The following BRME1 variants were observed in gnomAD, a reference collection of about 807,000 sequenced individuals.
The protein encoded by BRME1 is break repair meiotic recombinase recruitment factor 1.
BRME1 carries 31 observed loss-of-function variants against 52.6 expected under a neutral mutation model. That is an observed-to-expected ratio of 0.59 (90% confidence interval 0.44 to 0.80). The LOEUF (loss-of-function observed/expected upper bound fraction) is 0.80, where lower values mean the gene tolerates loss of function less well. Among genes scored for constraint, BRME1 ranks in the 30% least tolerant of loss-of-function variants. The pLI is 0.00. For missense variants in BRME1, 804 were observed against 860.3 expected (o/e 0.93, Z 0.82); for synonymous variants, 359 against 353.6 (o/e 1.02, Z -0.17).
At chr19:13,886,984 T>C (rs1238784309) in intron 6 of BRME1, among the ~76,000 whole-genome samples, 5 of 152,070 alleles carry the variant, frequency 3.3e-5, no homozygotes, top group Non-Finnish European at 2.9e-5. Context: ...TTAAATTAAA[T>C]GACTCCATAT....
Position 13,882,352 on chromosome 19 carries a change from G to A in BRME1, c.*450C>T, listed in dbSNP as rs1968696133. ...GCCTCAGCCCCAAACAGCAGGTCAC[G>A]GGGCCTCTACAGAATCATTTATTAT... On this transcript the variant is annotated 3_prime_UTR_variant, in exon 9 of 9. Transcript: ENST00000586783. The A allele has an allele frequency of 1.0e-5, 4 of 399,580 alleles. No individual in the cohort carries two copies. The highest frequency in any genetic ancestry group is 6.3e-4 in the Middle Eastern group (1 of 1,590). The allele number at this position is 399,580 out of a possible 1,614,324, so 24.8% of individuals were successfully genotyped here.
rs745772565 is a variant in BRME1 at position 13,889,536 on chromosome 19, CG to C, written c.1319del (p.Pro440ArgfsTer22). ...TCTGATTGACACATGGACCTGTGTC[CG>C]GGGATGCATGACCGGAATCTCCAGC... ...MGAGDSGHASPDTGPCVNQKQ... is the reference protein window; with the variant it reads ...MGAGDSGHASXDTGPCVNQKQ... On this transcript the variant is annotated frameshift_variant, in exon 6 of 9. Coordinates refer to ENST00000586783, the MANE Select transcript of BRME1 (RefSeq NM_001345843.2). LOFTEE classifies it high-confidence loss of function. The C allele has an allele frequency of 3.3e-5, 54 of 1,613,652 alleles. No individual in the cohort carries two copies. Among genetic ancestry groups the C allele is most frequent in the Non-Finnish European group, 4.4e-5 (52 of 1,180,022 alleles).
rs1599323505 is a variant in BRME1, at chr19:13,888,572, A to G, written c.1668+616T>C. 6.6e-6 allele frequency among the ~76,000 whole-genome samples: 1 copy of G among 152,226 alleles called. No homozygotes were observed. The highest frequency in any genetic ancestry group is 1.5e-5 in the Non-Finnish European group (1 of 68,022). ...AGGAGAATGAACGCCAACGGCTGGC[A>G]CCGGCTCTGGAGCCAGAGGAGGCCA... On this transcript the variant is annotated intron_variant, in intron 6 of 8. Coordinates refer to ENST00000586783, the MANE Select transcript of BRME1 (RefSeq NM_001345843.2). The surrounding 1 kb of genome is among the most constrained non-coding windows in gnomAD (Gnocchi z 4.1).
intron 6 of BRME1, 78 bp downstream of exon 6, chr19:13,889,110 C>A: frequency 7.4e-7 from 1 of 1,349,264 alleles, no homozygotes; most frequent in Non-Finnish European, 1.0e-6. Context: ...TCTGCCACTG[C>A]ACCGAGTGAG....
At position 13,905,807 on chromosome 19, in the gene BRME1, T is replaced by G. The variant is rs1970678228; in HGVS notation, c.-114A>C. ...GAATAAGTCGCTTGAATTATCCGCG[T>G]TACTCTTTTTGGAAAAAATAAATGG... On this transcript the variant is annotated 5_prime_UTR_variant, in exon 1 of 9. Coordinates refer to ENST00000586783, the MANE Select transcript of BRME1 (RefSeq NM_001345843.2). 6.6e-6 allele frequency: 1 copy of G among 152,170 alleles called. No homozygotes were observed. The highest frequency in any genetic ancestry group is 6.6e-5 in the Admixed American group (1 of 15,262). The allele number at this position is 152,170 out of a possible 1,614,324, so 9.4% of individuals were successfully genotyped here. A position where few individuals can be genotyped will look rare whatever the true frequency, so the allele number is the denominator to read the frequency against.
At chr19:13,887,621 C>T (rs1156398621) in intron 6 of BRME1, among the ~76,000 whole-genome samples, 2 of 152,210 alleles carry the variant, frequency 1.3e-5, no homozygotes, top group Non-Finnish European at 2.9e-5. Context: ...AGACTGGAGG[C>T]AATGGAGGCG....
chr19:13,894,668 C>T (rs1183084649), intron 3 of BRME1, among the ~76,000 whole-genome samples: 3 of 152,194 alleles, frequency 2.0e-5, no homozygotes, highest in Non-Finnish European at 4.4e-5. Context: ...TTGCCTCAGC[C>T]TCCCAGTGTG....
chr19:13,887,991 C>A (rs1020227635), intron 6 of BRME1, among the ~76,000 whole-genome samples: 2 of 152,216 alleles, frequency 1.3e-5, no homozygotes. Context: ...GTGGCGCGAT[C>A]TTGGCTCACT....
At chr19:13,897,426 G>A (rs1969984515) in intron 2 of BRME1, among the ~76,000 whole-genome samples, 1 of 152,148 alleles carries the variant, frequency 6.6e-6, no homozygotes, top group African/African-American at 2.4e-5. Flanking sequence ...AATGATAAGG[G>A]TTGACTCTAG....
rs1378986999 is a variant in BRME1 at position 13,904,854 on chromosome 19, G to A, written c.31+8C>T. 5.6e-6 allele frequency: 9 copies of A among 1,613,392 alleles called. No homozygotes were observed. Among genetic ancestry groups the A allele is most frequent in the Non-Finnish European group, 6.8e-6 (8 of 1,179,604 alleles). On this transcript the variant is annotated splice_region_variant and intron_variant, in intron 2 of 8. Coordinates refer to ENST00000586783, the MANE Select transcript of BRME1 (RefSeq NM_001345843.2). ...GAAATCAACAAGTGTCCATTTGAAT[G>A]AACGTACCTGAGGTCCGCAGCTTCT...
At position 13,889,691 on chromosome 19, in the gene BRME1, A is replaced by T. The variant is rs1466051229; in HGVS notation, c.1165T>A (p.Ser389Thr). The T allele has an allele frequency of 6.2e-7, 1 of 1,609,746 alleles. No homozygotes were observed. The highest frequency in any genetic ancestry group is 8.5e-7 in the Non-Finnish European group (1 of 1,178,630). ...GHRRALPGCTSLTGETTGESG... is the reference protein window; with the variant it reads ...GHRRALPGCTTLTGETTGESG... ...TCTCCTGTGGTTTCCCCAGTGAGCG[A>T]GGTGCAGCCTGGCAAGGCCCTCCTG... Residue 389 changes from serine to threonine, a missense_variant, in exon 6 of 9, where the codon TCG becomes ACG. Transcript: ENST00000586783.
chr19:13,890,398 A>T lies in BRME1; in HGVS notation c.458T>A (p.Val153Asp). 6.6e-7 allele frequency: 1 copy of T among 1,523,268 alleles called. No individual in the cohort carries two copies. The highest frequency in any genetic ancestry group is 8.7e-7 in the Non-Finnish European group (1 of 1,142,932). 94.4% of individuals were successfully genotyped at this position (1,523,268 alleles called of 1,614,324 possible). The change falls in exon 6 of 9, where the codon GTC becomes GAC. Residue 153 changes from valine (V) to aspartate (D), a missense_variant. Transcript: ENST00000586783. The part of the protein sequence containing the change: ...GCQLLVETLG[V>D]PLQEATELGD... Reference sequence around the variant, plus strand: ...CAGCTCCGTGGCCTCCTGGAGGGGGACCCCCAGGGTCTCCACTAGCAGCTG... The same window carrying T: ...CAGCTCCGTGGCCTCCTGGAGGGGGTCCCCCAGGGTCTCCACTAGCAGCTG...
chr19:13,899,957 G>A (rs1357817398), intron 2 of BRME1, among the ~76,000 whole-genome samples: 1 of 152,150 alleles, frequency 6.6e-6, no homozygotes, highest in East Asian at 1.9e-4. Context: ...AGCCAAGACT[G>A]CACCACTGCA....
Position 13,888,485 on chromosome 19 carries a change from G to A in BRME1, c.1668+703C>T, listed in dbSNP as rs914424334. 13 of 152,322 alleles carry A rather than the reference G, an allele frequency of 8.5e-5. No homozygotes were observed. The highest frequency in any genetic ancestry group is 2.9e-4 in the African/African-American group (12 of 41,552). 9.4% of individuals were successfully genotyped at this position (152,322 alleles called of 1,614,324 possible). A position where few individuals can be genotyped will look rare whatever the true frequency, so the allele number is the denominator to read the frequency against. ...CAGCCCAGGCTCAGGTGTGCCAACG[G>A]CTAGGGAGGTCGCTCTTTCCCTGGG... On this transcript the variant is annotated intron_variant, in intron 6 of 8. Transcript: ENST00000586783. The surrounding 1 kb of genome is among the most constrained non-coding windows in gnomAD (Gnocchi z 4.1).
chr19:13,896,688 A>C (rs904085475), intron 2 of BRME1, among the ~76,000 whole-genome samples: 4 of 149,080 alleles, frequency 2.7e-5, no homozygotes, highest in African/African-American at 9.8e-5. Context: ...TATATACTAT[A>C]TATATATTTT....
rs1249529690 is a variant in BRME1, at chr19:13,901,381, G to GT, written c.31+3480dup. Among the ~76,000 whole-genome samples, 5 of 152,210 alleles carry GT rather than the reference G, an allele frequency of 3.3e-5. No individual in the cohort carries two copies. In the Middle Eastern group the frequency reaches 0.01, roughly 311 times the overall value. On this transcript the variant is annotated intron_variant, in intron 2 of 8. Coordinates refer to ENST00000586783, the MANE Select transcript of BRME1 (RefSeq NM_001345843.2). ...AGTGAAAAATGGAGGTTGCAGATCA[G>GT]TAAGTGTGATGATTCGATTTTCCAA... is the stretch of plus-strand genomic sequence containing the variant.
chr19:13,888,326 G>A lies in BRME1; in HGVS notation c.1668+862C>T, dbSNP rs1206036190. 6.6e-6 allele frequency: 1 copy of A among 152,410 alleles called. No homozygotes were observed. The highest frequency in any genetic ancestry group is 1.5e-5 in the Non-Finnish European group (1 of 68,250). The allele number at this position is 152,410 out of a possible 1,614,324, so 9.4% of individuals were successfully genotyped here. ...ACGCGGCGGCTGGGGCATGACCTGG[G>A]TGCCAGCCTGGCCTCCTCCCCTCCC... On this transcript the variant is annotated intron_variant, in intron 6 of 8. Coordinates refer to ENST00000586783, the MANE Select transcript of BRME1 (RefSeq NM_001345843.2). This position sits in a 1 kb window ranked among gnomAD's most constrained non-coding sequence, Gnocchi z 4.1.
At chr19:13,898,437 C>T (rs917644271) in intron 2 of BRME1, among the ~76,000 whole-genome samples, 6 of 151,882 alleles carry the variant, frequency 4.0e-5, no homozygotes, top group Non-Finnish European at 7.4e-5. Context: ...CAGTGAGATC[C>T]CACCTCTATA....
rs116468218 is a variant in BRME1, at chr19:13,899,298, G to A, written c.32-3752C>T. On this transcript the variant is annotated intron_variant, in intron 2 of 8. Transcript: ENST00000586783. ...TGATTGGCTGCGACTACAGGTGCAAGCCACCATGCCTGGTTAATTTTTTTG... is the reference window on the plus strand; with the variant it reads ...TGATTGGCTGCGACTACAGGTGCAAACCACCATGCCTGGTTAATTTTTTTG... Among the ~76,000 whole-genome samples, 778 of 151,996 alleles carry A rather than the reference G, an allele frequency of 5.1e-3. 14 individuals are homozygous for A. The highest frequency in any genetic ancestry group is 0.018 in the African/African-American group (746 of 41,496).
Sources: allele counts gnomAD v4.1 joint callset (sites outside exome capture counted in the v4.1 genomes callset), GRCh38; gene constraint gnomAD v4.1.1; non-coding constraint Gnocchi (gnomAD v3.1); transcripts MANE v1.5; gene names NCBI Gene and HGNC (gene_info 2026-07-23, HGNC 2026-07-21).